PDSS1: variants seen among roughly 807,000 people sequenced by gnomAD.
PDSS1 encodes all trans-polyprenyl-diphosphate synthase PDSS1.
A neutral mutation model predicts 57.5 loss-of-function variants in PDSS1; 43 were observed. The ratio of observed to expected loss-of-function variants is 0.75; its 90% CI spans 0.59 to 0.96. PDSS1 has a LOEUF of 0.96. Among genes scored for constraint, PDSS1 ranks in the 50% least tolerant of loss-of-function variants. The pLI, the probability that PDSS1 is intolerant of heterozygous loss-of-function variation, is 0.00. For synonymous variants in PDSS1, 175 were observed against 191.3 expected, an observed-to-expected ratio of 0.91 and a Z score of 0.70; for missense variants, 438 against 527.8, an observed-to-expected ratio of 0.83 and a Z score of 1.67.
chr10:26,719,743 G>A (rs973262875), intron 5 of PDSS1, among the ~76,000 whole-genome samples: 1 of 152,160 alleles, frequency 6.6e-6, no homozygotes, highest in Non-Finnish European at 1.5e-5. Context: ...TCCAGCCTGG[G>A]TGACAGAGCG....
chr10:26,713,868 T>C (rs2477299), intron 5 of PDSS1, among the ~76,000 whole-genome samples: 86,144 of 151,492 alleles, frequency 0.57, 24,829 homozygotes, highest in Middle Eastern at 0.65. Context: ...ATTGCCTTGG[T>C]TACAAAGAGT....
At chr10:26,723,941 CTTT>C in intron 7 of PDSS1, 24 bp downstream of exon 7, 1 of 1,589,146 alleles carries the variant, frequency 6.3e-7, no homozygotes. Context: ...GATTTTTCTT[CTTT>C]GTTATTCAAC....
intron 10 of PDSS1, among the ~76,000 whole-genome samples, chr10:26,739,118 A>G (rs1265741746): frequency 1.3e-5 from 2 of 152,158 alleles, no homozygotes; most frequent in African/African-American, 4.8e-5. Flanking sequence ...ACGTTTCCAA[A>G]TGCCATCACC....
At chr10:26,704,101 A>AAAAAAAAAAAAAAAAAAAAT (rs1428310623) in intron 2 of PDSS1, among the ~76,000 whole-genome samples, 1 of 148,684 alleles carries the variant, frequency 6.7e-6, no homozygotes, top group African/African-American at 2.4e-5. Context: ...AAAAAAAAAA[A>AAAAAAAAAAAAAAAAAAAAT]ATATGGCTAG....
chr10:26,737,224 A>G (rs1056950490), intron 10 of PDSS1, among the ~76,000 whole-genome samples: 20 of 152,220 alleles, frequency 1.3e-4, no homozygotes, highest in African/African-American at 3.6e-4. Flanking sequence ...ACCCCAGGAT[A>G]CTAAGTTACC....
At chr10:26,722,148 G>C (rs540468009) in intron 6 of PDSS1, among the ~76,000 whole-genome samples, 1 of 152,162 alleles carries the variant, frequency 6.6e-6, no homozygotes, top group Non-Finnish European at 1.5e-5. Flanking sequence ...AAAGGATCCC[G>C]AGCCTTGAGC....
intron 5 of PDSS1, chr10:26,714,478 AAAAAG>A (rs1835499969): frequency 6.6e-6 from 1 of 152,114 alleles, no homozygotes; most frequent in Non-Finnish European, 1.5e-5. Flanking sequence ...AAAAAAAAAA[AAAAAG>A]AAAAGAAAAA....
In PDSS1 at chr10:26,697,773, C is replaced by T. The variant is rs547509698; in HGVS notation, c.62C>T (p.Pro21Leu). 3 of 1,295,682 alleles carry T rather than the reference C, an allele frequency of 2.3e-6. No individual in the cohort carries two copies. Among genetic ancestry groups the T allele is most frequent in the South Asian group, 2.4e-5 (1 of 41,052 alleles). The allele number at this position is 1,295,682 out of a possible 1,614,324, so 80.3% of individuals were successfully genotyped here. Reference sequence around the variant, plus strand: ...TCCTGGAAGCCGGCGGCGCGGAGCCCCGGGCCCGGCTCCCCCGGCCGTGCG... The same window carrying T: ...TCCTGGAAGCCGGCGGCGCGGAGCCTCGGGCCCGGCTCCCCCGGCCGTGCG... ...GCSWKPAARS[P>L]GPGSPGRAGP... Residue 21 changes from proline (P) to leucine (L), a missense_variant, in exon 1 of 12, where the codon CCC (proline) becomes CTC (leucine). Coordinates refer to ENST00000376215, the MANE Select transcript of PDSS1 (RefSeq NM_014317.5).
chr10:26,701,337 A>G (rs1306251020), intron 1 of PDSS1, among the ~76,000 whole-genome samples: 1 of 152,230 alleles, frequency 6.6e-6, no homozygotes, highest in Non-Finnish European at 1.5e-5. Context: ...AATGGGGAAA[A>G]TGTCTCCAGA....
In PDSS1 at chr10:26,712,221, G is replaced by A. The variant is rs1835426705; in HGVS notation, c.467+2453G>A. 2.0e-5 allele frequency among the ~76,000 whole-genome samples: 2 copies of A among 98,316 alleles called. 1 individual carries two copies. Among genetic ancestry groups the A allele is most frequent in the South Asian group, 5.3e-4 (2 of 3,746 alleles). 64.5% of individuals were successfully genotyped at this position (98,316 alleles called of 152,430 possible). ...TCGCCATGTTGGCCAGGCTGGTCTC[G>A]AACACCTGGCCTCAGGTGATTCACC... is the stretch of plus-strand genomic sequence containing the variant. On this transcript the variant is annotated intron_variant, in intron 5 of 11. Transcript: ENST00000376215.
rs1399291024 is a variant in PDSS1 at position 26,724,000 on chromosome 10, T to G, written c.722-14T>G. 6.2e-7 allele frequency: 1 copy of G among 1,607,586 alleles called. No individual in the cohort carries two copies. The highest frequency in any genetic ancestry group is 8.5e-7 in the Non-Finnish European group (1 of 1,174,144). ...TAAAGCCACCTCTCAAATGACTCCT[T>G]TCCTTCTTTATAGGTGAATTTCTTC... On this transcript the variant is annotated splice_polypyrimidine_tract_variant and intron_variant, in intron 7 of 11. Transcript: ENST00000376215.
At chr10:26,697,922 G>A in intron 1 of PDSS1, 82 bp downstream of exon 1, 2 of 1,182,400 alleles carry the variant, frequency 1.7e-6, no homozygotes, top group Non-Finnish European at 2.1e-6. Context: ...ATGGGAGCGG[G>A]GAGCACGTGC....
chr10:26,734,305 GA>G lies in PDSS1; in HGVS notation c.832-932del, dbSNP rs533707676. Among the ~76,000 whole-genome samples the G allele has an allele frequency of 4.7e-3, 715 of 152,360 alleles. 2 individuals carry two copies. Among genetic ancestry groups the G allele is most frequent in the Non-Finnish European group, 6.9e-3 (469 of 68,030 alleles). The stretch of plus-strand genomic sequence containing the variant: ...TTTCCTAGCATCCGCGAGCCTTACA[GA>G]AAGGCAACTGTGCAGTGCTCCAGCT... On this transcript the variant is annotated intron_variant, in intron 8 of 11. Coordinates refer to ENST00000376215, the MANE Select transcript of PDSS1 (RefSeq NM_014317.5).
chr10:26,740,590 C>T, intron 10 of PDSS1: 4 of 452,964 alleles, frequency 8.8e-6, no homozygotes, highest in Admixed American at 2.4e-5. Context: ...ATTTTTTCTT[C>T]TAGGATTACT....
intron 8 of PDSS1, among the ~76,000 whole-genome samples, chr10:26,728,633 A>G (rs1222292209): frequency 1.3e-5 from 2 of 152,034 alleles, no homozygotes; most frequent in African/African-American, 2.4e-5. Flanking sequence ...CATTTCTTCT[A>G]TATCACTCTT....
In PDSS1 at chr10:26,746,334, G is replaced by GTGAT; in HGVS notation, c.1110_1113dup (p.Gly372Ter). The GTGAT allele has an allele frequency of 6.2e-7, 1 of 1,614,080 alleles. No homozygotes were observed. The highest frequency in any genetic ancestry group is 8.5e-7 in the Non-Finnish European group (1 of 1,179,942). On this transcript the variant is annotated frameshift_variant and splice_region_variant, in exon 12 of 12. Transcript: ENST00000376215. LOFTEE classifies it high-confidence loss of function. ...TCTGTTTTGTTCTGTATCTTATAGAGTGATGGTGTGCAACAAACAACCTAC... is the reference window on the plus strand; with the variant it reads ...TCTGTTTTGTTCTGTATCTTATAGAGTGATTGATGGTGTGCAACAAACAACCTAC...
At chr10:26,740,683 C>T (rs1165200219) in intron 10 of PDSS1, 13 of 456,738 alleles carry the variant, frequency 2.8e-5, no homozygotes, top group Middle Eastern at 3.3e-4. Flanking sequence ...GCTGTAAGCA[C>T]TGACGTGGCC....
intron 4 of PDSS1, among the ~76,000 whole-genome samples, chr10:26,707,776 C>T (rs1835287334): frequency 6.6e-6 from 1 of 152,256 alleles, no homozygotes; most frequent in Non-Finnish European, 1.5e-5. Flanking sequence ...TAGCTAACTA[C>T]TCACCGGGAA....
chr10:26,728,774 CTTT>C (rs33930147), intron 8 of PDSS1, among the ~76,000 whole-genome samples: 2 of 84,568 alleles, frequency 2.4e-5, no homozygotes. Flanking sequence ...TATTCTGTAT[CTTT>C]TTTTTTTTTT....
Sources: gnomAD v4.1 joint callset for allele counts (sites outside exome capture counted in the v4.1 genomes callset) on GRCh38, gnomAD v4.1.1 for gene constraint, MANE v1.5 for transcripts, NCBI Gene and HGNC (gene_info 2026-07-23, HGNC 2026-07-21) for gene names.